The following ZKSCAN2 variants were observed in gnomAD, a reference collection of about 807,000 sequenced individuals.
ZKSCAN2 encodes zinc finger protein with KRAB and SCAN domains 2.
In ZKSCAN2, 38 loss-of-function variants were observed where a neutral mutation model predicts 90.5. That is an observed-to-expected ratio of 0.42 (90% CI 0.32 to 0.55). ZKSCAN2 has a LOEUF of 0.55. Ranked by LOEUF, ZKSCAN2 falls within the 20% of genes least tolerant of loss-of-function variation. The probability of loss-of-function intolerance (pLI) is 0.11; values close to 1 mark genes in which losing one functional copy is unlikely to be tolerated. For missense variants in ZKSCAN2, 1,167 were observed against 1,202.6 expected, an observed-to-expected ratio of 0.97 and a Z score of 0.44; for synonymous variants, 429 against 421.6, an observed-to-expected ratio of 1.02 and a Z score of -0.22.
At chr16:25,241,311 G>A (rs1249543350) in intron 6 of ZKSCAN2, among the ~76,000 whole-genome samples, 1 of 152,074 alleles carries the variant, frequency 6.6e-6, no homozygotes, top group East Asian at 1.9e-4. Context: ...TACATCCCAC[G>A]TTCACTACAT....
At position 25,243,856 on chromosome 16, in the gene ZKSCAN2, C is replaced by G. The variant is rs374102276; in HGVS notation, c.1910G>C (p.Arg637Thr). 8.7e-6 allele frequency: 14 copies of G among 1,614,014 alleles called. No individual in the cohort carries two copies. The highest frequency in any genetic ancestry group is 5.3e-5 in the African/African-American group (4 of 74,880). Residue 637 changes from arginine to threonine, a missense_variant, in exon 6 of 7, where the codon AGA (arginine) becomes ACA (threonine). Arg to Thr is a moderately conservative substitution (Grantham distance 71). Coordinates refer to ENST00000328086, the MANE Select transcript of ZKSCAN2 (RefSeq NM_001012981.5). ...EAVIEDSCSE[R>T]MSEEEIVQEP... ...TTGCACAATTTCCTCCTCGCTCATT[C>G]TCTCACTGCAAGAGTCTTCTATTAC...
rs1286379427 is a variant in ZKSCAN2, at chr16:25,255,140, C to T, written c.586+66G>A. On this transcript the variant is annotated intron_variant, in intron 2 of 6. Transcript: ENST00000328086. ...GAGGCCCTCCACTGCACATTCACAG[C>T]GTTGGGGTACTGCGGAAATCTGCCC... is the stretch of plus-strand genomic sequence containing the variant. 27 of 1,503,804 alleles carry T rather than the reference C, an allele frequency of 1.8e-5. No individual in the cohort carries two copies. The Admixed American group carries it at 2.3e-4, about 13-fold the overall frequency. 93.2% of individuals were successfully genotyped at this position (1,503,804 alleles called of 1,614,324 possible). A position where few individuals can be genotyped will look rare whatever the true frequency, so the allele number is the denominator to read the frequency against.
chr16:25,257,312 CGTATACTCTAAGATGCAAAA>C lies in ZKSCAN2; in HGVS notation c.-205_-186del. On this transcript the variant is annotated 5_prime_UTR_variant, in exon 1 of 7. The change creates a premature stop within an existing upstream ORF in the 5' untranslated region. Transcript: ENST00000328086. The stretch of plus-strand genomic sequence containing the variant: ...TATGCCAGGCCCTTGAAAAGGTGAA[CGTATACTCTAAGATGCAAAA>C]GCCTGGCCTCTTCTCCAAACAAGAT... The C allele has an allele frequency of 7.2e-7, 1 of 1,397,868 alleles. No homozygotes were observed. Among genetic ancestry groups the C allele is most frequent in the Non-Finnish European group, 9.3e-7 (1 of 1,081,066 alleles). The allele number at this position is 1,397,868 out of a possible 1,614,324, so 86.6% of individuals were successfully genotyped here.
intron 2 of ZKSCAN2, among the ~76,000 whole-genome samples, chr16:25,253,649 A>G (rs1310757801): frequency 6.6e-6 from 1 of 152,280 alleles, no homozygotes; most frequent in Non-Finnish European, 1.5e-5. Context: ...ATTGAGCACT[A>G]TTATGCACTG....
intron 4 of ZKSCAN2, among the ~76,000 whole-genome samples, chr16:25,249,470 G>C (rs1024143219): frequency 1.6e-4 from 25 of 152,162 alleles, no homozygotes; most frequent in African/African-American, 5.8e-4. Context: ...TTTTAGTAGA[G>C]ATGGGGTTTT....
Position 25,239,940 on chromosome 16 carries a change from C to T in ZKSCAN2, c.2780G>A (p.Ser927Asn), listed in dbSNP as rs1163194817. ...CAQCGKRFSK[S>N]SVLTKHREVH... ...TTCCCGATGTTTGGTAAGAACAGAA[C>T]TCTTACTGAAACGTTTGCCACACTG... Residue 927 changes from serine to asparagine, a missense_variant, in exon 7 of 7, where the codon AGT becomes AAT. Ser to Asn is a conservative substitution (Grantham distance 46, BLOSUM62 1). Transcript: ENST00000328086. 3.1e-6 allele frequency: 5 copies of T among 1,614,160 alleles called. No homozygotes were observed. The highest frequency in any genetic ancestry group is 4.2e-6 in the Non-Finnish European group (5 of 1,180,026).
Position 25,254,960 on chromosome 16 carries a change from ATAT to A in ZKSCAN2, c.586+243_586+245del, listed in dbSNP as rs1174843030. ...AGGTGCACGCCAACACACCTGGCTA[ATAT>A]TTTTTTTTTTTTTGCGATTTTGTAG... On this transcript the variant is annotated intron_variant, in intron 2 of 6. Transcript: ENST00000328086. 9.2e-5 allele frequency among the ~76,000 whole-genome samples: 13 copies of A among 140,646 alleles called. No homozygotes were observed. In the East Asian group the frequency reaches 2.6e-3, roughly 28 times the overall value. 92.3% of individuals were successfully genotyped at this position (140,646 alleles called of 152,430 possible).
rs1351938507 is a variant in ZKSCAN2 at position 25,240,552 on chromosome 16, C to T, written c.2168G>A (p.Gly723Glu). 1 of 1,614,180 alleles carries T rather than the reference C, an allele frequency of 6.2e-7. No individual in the cohort carries two copies. The highest frequency in any genetic ancestry group is 1.7e-5 in the Admixed American group (1 of 60,018). Residue 723 changes from glycine to glutamate, a missense_variant, in exon 7 of 7, where the codon GGA (glycine) becomes GAA (glutamate). Transcript: ENST00000328086. ...QWENLQGIRQ[G>E]KPMSQPRDLG... ...ATCTCTAGGCTGAGACATCGGCTTTCCCTGTCTAATTCCTTGAAGATTTTC... is the reference window on the plus strand; with the variant it reads ...ATCTCTAGGCTGAGACATCGGCTTTTCCTGTCTAATTCCTTGAAGATTTTC...
intron 2 of ZKSCAN2, among the ~76,000 whole-genome samples, chr16:25,254,484 A>T (rs1294826782): frequency 6.6e-6 from 1 of 152,216 alleles, no homozygotes; most frequent in Non-Finnish European, 1.5e-5. Context: ...TTGAACACAA[A>T]TGCCTTGTTC....
Position 25,257,026 on chromosome 16 carries a change from A to C in ZKSCAN2, c.102T>G (p.Ile34Met). Residue 34 changes from isoleucine to methionine, a missense_variant, in exon 1 of 7, where the codon ATT becomes ATG. Ile to Met is a conservative substitution (Grantham distance 10). Coordinates refer to ENST00000328086, the MANE Select transcript of ZKSCAN2 (RefSeq NM_001012981.5). ...EKDPEWASEP[I>M]LEGSDSSETF... ...TCTCAGAGCTATCCGATCCTTCCAG[A>C]ATGGGCTCTGATGCCCACTCAGGGT... is the stretch of plus-strand genomic sequence containing the variant. The C allele has an allele frequency of 6.2e-7, 1 of 1,614,190 alleles. No individual in the cohort carries two copies. The highest frequency in any genetic ancestry group is 1.1e-5 in the South Asian group (1 of 91,088).
At chr16:25,255,933 A>G (rs1963095010) in intron 1 of ZKSCAN2, among the ~76,000 whole-genome samples, 1 of 152,182 alleles carries the variant, frequency 6.6e-6, no homozygotes, top group African/African-American at 2.4e-5. Flanking sequence ...GGAGTGAAAG[A>G]GCCTCCTTGT....
chr16:25,242,876 T>G (rs1054794163), intron 6 of ZKSCAN2, among the ~76,000 whole-genome samples: 1 of 152,214 alleles, frequency 6.6e-6, no homozygotes, highest in Non-Finnish European at 1.5e-5. Context: ...AGACAGTGGC[T>G]AATGGTAACT....
rs140315480 is a variant in ZKSCAN2 at position 25,240,696 on chromosome 16, A to G, written c.2024T>C (p.Ile675Thr). The G allele has an allele frequency of 3.1e-6, 5 of 1,613,570 alleles. No homozygotes were observed. In the African/African-American group the frequency reaches 5.3e-5, roughly 17 times the overall value. ...GSSIKEDPTQIVYKDMEQHRA... is the reference protein window; with the variant it reads ...GSSIKEDPTQTVYKDMEQHRA... The stretch of plus-strand genomic sequence containing the variant: ...ATGCTGTTCCATGTCCTTATATACT[A>G]TCTGTGTTGGATCCTCCTTGATGCT... The change falls in exon 7 of 7, where the codon ATA becomes ACA. Residue 675 changes from isoleucine (I) to threonine (T), a missense_variant. Transcript: ENST00000328086.
At chr16:25,245,002 T>A (rs1173078112) in intron 5 of ZKSCAN2, among the ~76,000 whole-genome samples, 1 of 152,242 alleles carries the variant, frequency 6.6e-6, no homozygotes, top group East Asian at 1.9e-4. Context: ...TATGACTGGA[T>A]TCCCATATTT....
Position 25,239,565 on chromosome 16 carries a change from A to C in ZKSCAN2, c.*251T>G, listed in dbSNP as rs1300668064. On this transcript the variant is annotated 3_prime_UTR_variant, in exon 7 of 7. Transcript: ENST00000328086. Reference sequence around the variant, plus strand: ...CAGTTGCAGTGGCCTCAATGTACTGAAGGGTATTTCATTCTGAACTCGGAC... The same window carrying C: ...CAGTTGCAGTGGCCTCAATGTACTGCAGGGTATTTCATTCTGAACTCGGAC... The C allele has an allele frequency of 2.5e-6, 1 of 399,024 alleles. No homozygotes were observed. Among genetic ancestry groups the C allele is most frequent in the Non-Finnish European group, 4.5e-6 (1 of 222,580 alleles). 24.7% of individuals were successfully genotyped at this position (399,024 alleles called of 1,614,324 possible). A position where few individuals can be genotyped will look rare whatever the true frequency, so the allele number is the denominator to read the frequency against.
At chr16:25,256,511 T>C (rs1963104498) in intron 1 of ZKSCAN2, among the ~76,000 whole-genome samples, 1 of 152,172 alleles carries the variant, frequency 6.6e-6, no homozygotes, top group African/African-American at 2.4e-5. Context: ...CATTGTAAGA[T>C]AATATTTCAA....
intron 1 of ZKSCAN2, 42 bp from the exon 2 acceptor site, chr16:25,255,434 C>T: frequency 6.4e-7 from 1 of 1,565,922 alleles, no homozygotes; most frequent in Admixed American, 2.0e-5. Flanking sequence ...GTAAAACAGG[C>T]CCATATCAGG....
chr16:25,251,119 A>G (rs1320159841), intron 4 of ZKSCAN2, among the ~76,000 whole-genome samples: 2 of 152,250 alleles, frequency 1.3e-5, no homozygotes, highest in Non-Finnish European at 2.9e-5. Context: ...GTCGAAAAAA[A>G]TTTGGTAGAA....
Position 25,244,075 on chromosome 16 carries a change from A to C in ZKSCAN2, c.1691T>G (p.Val564Gly). The C allele has an allele frequency of 6.2e-7, 1 of 1,613,832 alleles. No individual in the cohort carries two copies. The highest frequency in any genetic ancestry group is 8.5e-7 in the Non-Finnish European group (1 of 1,179,952). The change falls in exon 6 of 7, where the codon GTG (valine) becomes GGG (glycine). Residue 564 changes from valine (V) to glycine (G), a missense_variant. By Grantham distance (109) the Val-to-Gly change is moderately radical. Transcript: ENST00000328086. ...GGACTCTAGCACGTGGCCATTTTTC[A>C]CCTTGCGGTAACTCTTCTGAAGGCT... is the stretch of plus-strand genomic sequence containing the variant. Reference protein sequence around the residue: ...FKSLQKSYRKVKNGHVLESCA... With the variant: ...FKSLQKSYRKGKNGHVLESCA...
Sources: gnomAD v4.1 joint callset for allele counts (sites outside exome capture counted in the v4.1 genomes callset) on GRCh38, gnomAD v4.1.1 for gene constraint, MANE v1.5 for transcripts, NCBI Gene and HGNC (gene_info 2026-07-23, HGNC 2026-07-21) for gene names.